Variants in CFAP70 observed in about 807,000 individuals in gnomAD.
CFAP70 encodes the protein cilia- and flagella-associated protein 70.
CFAP70 carries 81 observed loss-of-function variants against 137.6 expected under a neutral mutation model. The observed-to-expected ratio is 0.59, with a 90% CI of 0.49 to 0.71. The LOEUF (loss-of-function observed/expected upper bound fraction) is 0.71, where lower values mean the gene tolerates loss of function less well. Ranked by LOEUF, CFAP70 falls within the 30% of genes least tolerant of loss-of-function variation. The pLI is 0.00. For missense variants in CFAP70, 976 were observed against 1,226.7 expected, an observed-to-expected ratio of 0.80 and a Z score of 3.05; for synonymous variants, 382 against 423.6, an observed-to-expected ratio of 0.90 and a Z score of 1.20.
chr10:73,343,132 C>T (rs1160229364), intron 5 of CFAP70, among the ~76,000 whole-genome samples: 1 of 151,482 alleles, frequency 6.6e-6, no homozygotes, highest in East Asian at 1.9e-4. Context: ...ATCACTTGAA[C>T]CCAGAAGGCA....
intron 7 of CFAP70, among the ~76,000 whole-genome samples, chr10:73,331,871 T>C (rs1182070439): frequency 6.6e-6 from 1 of 152,208 alleles, no homozygotes; most frequent in East Asian, 1.9e-4. Context: ...TAGTGATTTA[T>C]TCTAAAGAAA....
chr10:73,328,786 T>C (rs2051751888), intron 8 of CFAP70, among the ~76,000 whole-genome samples: 1 of 150,992 alleles, frequency 6.6e-6, no homozygotes, highest in East Asian at 2.0e-4. Context: ...AAAACCACAA[T>C]GAGATACCAT....
chr10:73,348,311 C>G, intron 4 of CFAP70, 76 bp from the exon 5 acceptor site: 1 of 1,554,480 alleles, frequency 6.4e-7, no homozygotes, highest in South Asian at 1.1e-5. Flanking sequence ...ATAAATGTGC[C>G]TACTTTTCCC....
chr10:73,272,067 C>T (rs1300256081), intron 24 of CFAP70, among the ~76,000 whole-genome samples: 1 of 152,102 alleles, frequency 6.6e-6, no homozygotes, highest in Non-Finnish European at 1.5e-5. Context: ...CAATGAGGGG[C>T]TAAGTGAGGT....
chr10:73,362,173 T>C (rs1236249091), upstream of CFAP70, among the ~76,000 whole-genome samples: 1 of 152,176 alleles, frequency 6.6e-6, no homozygotes. Context: ...TATAGTCTTT[T>C]AAACAAATGG....
At chr10:73,285,696 A>G (rs2047641150) in intron 19 of CFAP70, among the ~76,000 whole-genome samples, 1 of 145,852 alleles carries the variant, frequency 6.9e-6, no homozygotes, top group African/African-American at 2.6e-5. Context: ...GTGCAGTGGC[A>G]CCGTGTCGGC....
intron 16 of CFAP70, 58 bp downstream of exon 17, chr10:73,293,205 C>A: frequency 1.3e-6 from 2 of 1,526,238 alleles, no homozygotes; most frequent in Non-Finnish European, 1.8e-6. Context: ...TCAAAAATTA[C>A]TATTATGCCC....
At chr10:73,356,210 T>G (rs764530925) in intron 1 of CFAP70, among the ~76,000 whole-genome samples, 24 of 151,822 alleles carry the variant, frequency 1.6e-4, no homozygotes, top group Non-Finnish European at 2.8e-4. Flanking sequence ...TTCCTTCCTT[T>G]TTTTTTTTTT....
At chr10:73,330,020 A>G (rs11000607) in intron 8 of CFAP70, among the ~76,000 whole-genome samples, 16,088 of 152,218 alleles carry the variant, frequency 0.11, 1,233 homozygotes, top group East Asian at 0.3. Context: ...AGCGTTTTAA[A>G]TGGTTGTATG....
chr10:73,340,347 G>A lies in CFAP70; in HGVS notation c.582+1052C>T, dbSNP rs72812296. The stretch of plus-strand genomic sequence containing the variant: ...GCAGGTCATCCCATCCTTTGCCTGA[G>A]TCTGGCTGAGTCATGGGTTTTTATA... On this transcript the variant is annotated intron_variant, in intron 6 of 26. Transcript: ENST00000310715. 4.1e-3 allele frequency among the ~76,000 whole-genome samples: 630 copies of A among 152,378 alleles called. 5 individuals are homozygous for A. The highest frequency in any genetic ancestry group is 7.7e-3 in the Non-Finnish European group (525 of 68,028).
chr10:73,325,585 G>A (rs2051326872), intron 8 of CFAP70, among the ~76,000 whole-genome samples: 1 of 152,118 alleles, frequency 6.6e-6, no homozygotes, highest in Non-Finnish European at 1.5e-5. Flanking sequence ...CTGTATTCAG[G>A]AAACCCATCT....
intron 16 of CFAP70, 70 bp downstream of exon 17, chr10:73,293,193 A>G: frequency 6.7e-7 from 1 of 1,497,404 alleles, no homozygotes; most frequent in Non-Finnish European, 8.9e-7. Context: ...GATTTTAAAC[A>G]ATCAAAAATT....
In CFAP70 at chr10:73,338,451, T is replaced by TA. The variant is rs1314117015; in HGVS notation, c.583-2928dup. Among the ~76,000 whole-genome samples the TA allele has an allele frequency of 5.5e-5, 8 of 144,442 alleles. No individual in the cohort carries two copies. The South Asian group carries it at 6.7e-4, about 12-fold the overall frequency. 94.8% of individuals were successfully genotyped at this position (144,442 alleles called of 152,430 possible). A position where few individuals can be genotyped will look rare whatever the true frequency, so the allele number is the denominator to read the frequency against. ...GAATCTCTTTTTTTTTTTTTTTTTT[T>TA]AGACAGTCTCACTCTGTTGCCCAGG... On this transcript the variant is annotated intron_variant, in intron 6 of 26. Coordinates refer to ENST00000310715, the Ensembl canonical transcript of CFAP70.
At chr10:73,323,389 G>A (rs899151011) in intron 8 of CFAP70, among the ~76,000 whole-genome samples, 1 of 151,736 alleles carries the variant, frequency 6.6e-6, no homozygotes, top group Non-Finnish European at 1.5e-5. Context: ...AGCTCCCAGC[G>A]TGAGCGACGC....
intron 6 of CFAP70, among the ~76,000 whole-genome samples, chr10:73,340,038 G>C (rs2053102544): frequency 6.6e-6 from 1 of 152,242 alleles, no homozygotes; most frequent in Admixed American, 6.5e-5. Flanking sequence ...GGTGAGCAAA[G>C]CAAAGAGGTG....
chr10:73,349,983 G>A (rs967492082), intron 3 of CFAP70, among the ~76,000 whole-genome samples: 2 of 152,142 alleles, frequency 1.3e-5, no homozygotes, highest in African/African-American at 4.8e-5. Flanking sequence ...TGTGATAATA[G>A]CATTAAATAA....
intron 13 of CFAP70, 114 bp downstream of exon 14, chr10:73,299,491 C>A: frequency 1.2e-6 from 1 of 829,020 alleles, no homozygotes; most frequent in South Asian, 1.6e-5. Context: ...ATACGTAAAG[C>A]TTCAAACAAG....
intron 25 of CFAP70, among the ~76,000 whole-genome samples, chr10:73,264,268 C>T (rs1035469071): frequency 1.3e-5 from 2 of 152,306 alleles, no homozygotes; most frequent in Non-Finnish European, 2.9e-5. Context: ...GACAAATGCC[C>T]TAGTTTCTTA....
At chr10:73,353,136 G>T (rs532269759) in intron 3 of CFAP70, among the ~76,000 whole-genome samples, 2 of 152,168 alleles carry the variant, frequency 1.3e-5, no homozygotes, top group South Asian at 4.2e-4. Flanking sequence ...TTATTCCTAG[G>T]GAAGACTTTT....
Sources: allele counts gnomAD v4.1 joint callset (sites outside exome capture counted in the v4.1 genomes callset), GRCh38; gene constraint gnomAD v4.1.1; transcripts MANE v1.5; gene names NCBI Gene and HGNC (gene_info 2026-07-23, HGNC 2026-07-21).